The following SHISAL1 variants were observed in gnomAD, a reference collection of about 807,000 sequenced individuals.
The protein encoded by SHISAL1 is protein shisa-like-1.
Under a neutral mutation model 22.6 loss-of-function variants are expected in SHISAL1, and 9 were observed. The observed-to-expected ratio is 0.40, with a 90% confidence interval of 0.24 to 0.70. The LOEUF is 0.70. SHISAL1 is among the 30% of genes least tolerant of loss of function. The pLI is 0.39. For synonymous variants in SHISAL1, 119 were observed against 115.4 expected (o/e 1.03, Z -0.20); for missense variants, 246 against 270.6 (o/e 0.91, Z 0.64).
At chr22:44,287,049 C>T (rs965897541) in intron 3 of SHISAL1, among the ~76,000 whole-genome samples, 1 of 149,104 alleles carries the variant, frequency 6.7e-6, no homozygotes, top group East Asian at 1.9e-4. Flanking sequence ...GGCAGCAGAT[C>T]CTTTAAGACC....
At chr22:44,311,793 C>T (rs1009374061) in intron 1 of SHISAL1, among the ~76,000 whole-genome samples, 1 of 152,222 alleles carries the variant, frequency 6.6e-6, no homozygotes, top group Non-Finnish European at 1.5e-5. Context: ...AGTTTCCTCC[C>T]CTATTAAAGG....
At chr22:44,286,515 G>A (rs1050486543) in intron 3 of SHISAL1, among the ~76,000 whole-genome samples, 1 of 152,138 alleles carries the variant, frequency 6.6e-6, no homozygotes, top group Non-Finnish European at 1.5e-5. Flanking sequence ...TCCAGCACCC[G>A]GCCTTTGCAC....
At chr22:44,270,706 CG>C (rs1395165415) in intron 4 of SHISAL1, among the ~76,000 whole-genome samples, 2 of 152,150 alleles carry the variant, frequency 1.3e-5, no homozygotes, top group African/African-American at 4.8e-5. Flanking sequence ...CGGACACAGA[CG>C]GAAAACCCAA....
At chr22:44,259,110 TTAGGTGGAA>T (rs1459336668) in intron 4 of SHISAL1, among the ~76,000 whole-genome samples, 3 of 152,154 alleles carry the variant, frequency 2.0e-5, no homozygotes, top group African/African-American at 7.2e-5. Context: ...TGCTATGTTC[TTAGGTGGAA>T]ATTTGCAACA....
At chr22:44,312,014 C>CG (rs1414449849) in intron 1 of SHISAL1, among the ~76,000 whole-genome samples, 1 of 152,102 alleles carries the variant, frequency 6.6e-6, no homozygotes, top group Non-Finnish European at 1.5e-5. Flanking sequence ...ACAGGCATGG[C>CG]GCTCGCCTCG....
intron 4 of SHISAL1, among the ~76,000 whole-genome samples, chr22:44,250,507 T>C (rs558166233): frequency 1.2e-4 from 18 of 152,286 alleles, no homozygotes; most frequent in African/African-American, 4.3e-4. Flanking sequence ...AGACTCCATC[T>C]GTGGAAAGCA....
chr22:44,288,976 T>C (rs1044010361), intron 3 of SHISAL1, among the ~76,000 whole-genome samples: 1 of 152,212 alleles, frequency 6.6e-6, no homozygotes, highest in Non-Finnish European at 1.5e-5. Flanking sequence ...CACTCAGCCT[T>C]AGGCTGTAAA....
chr22:44,325,794 G>A, the SHISAL1 span, among the ~76,000 whole-genome samples: 12 of 151,984 alleles, frequency 7.9e-5, no homozygotes, highest in African/African-American at 1.2e-4. Flanking sequence ...CCTTCATAAC[G>A]AGAAGCCACA....
At chr22:44,313,159 A>T (rs577147126), upstream of SHISAL1, among the ~76,000 whole-genome samples, 17 of 152,352 alleles carry the variant, frequency 1.1e-4, no homozygotes, top group Non-Finnish European at 2.2e-4. Context: ...CAAACTAGAG[A>T]CACTCCCTGT....
At chr22:44,269,555 C>T (rs1178138349) in intron 4 of SHISAL1, among the ~76,000 whole-genome samples, 4 of 146,860 alleles carry the variant, frequency 2.7e-5, no homozygotes, top group African/African-American at 1.0e-4. Context: ...ACAGATACAA[C>T]ACTACACACA....
chr22:44,255,322 A>C (rs765951138), intron 4 of SHISAL1, among the ~76,000 whole-genome samples: 3 of 152,166 alleles, frequency 2.0e-5, no homozygotes, highest in African/African-American at 4.8e-5. Context: ...CACCAAATGG[A>C]TATTTAATAG....
upstream of SHISAL1, among the ~76,000 whole-genome samples, chr22:44,314,455 C>T (rs2055544543): frequency 6.6e-6 from 1 of 152,156 alleles, no homozygotes; most frequent in Non-Finnish European, 1.5e-5. Flanking sequence ...AGATCTGGAA[C>T]ACCTATGACA....
intron 4 of SHISAL1, among the ~76,000 whole-genome samples, chr22:44,268,690 G>A (rs554244157): frequency 4.6e-5 from 7 of 152,304 alleles, no homozygotes; most frequent in South Asian, 2.1e-4. Context: ...GAGAGGCCTC[G>A]GGAAGGAGCG....
intron 4 of SHISAL1, among the ~76,000 whole-genome samples, chr22:44,276,209 A>G (rs528742195): frequency 7.9e-5 from 12 of 152,148 alleles, no homozygotes; most frequent in African/African-American, 2.7e-4. Context: ...TGATCGGGTG[A>G]CTCTGAACAG....
rs73888948 is a variant in SHISAL1, at chr22:44,260,536, T to G, written c.*-10851A>C. ...GAGGGACAGAAAATCAGAGGAGGCT[T>G]GGAGAGGAGGTCCAGGTGATGGTCG... is the stretch of plus-strand genomic sequence containing the variant. On this transcript the variant is annotated intron_variant, in intron 4 of 4. Transcript: ENST00000381176. Among the ~76,000 whole-genome samples the G allele has an allele frequency of 9.5e-3, 1,451 of 152,252 alleles. 24 individuals are homozygous for G. The highest frequency in any genetic ancestry group is 0.034 in the African/African-American group (1,397 of 41,562).
rs574950019 is a variant in SHISAL1, at chr22:44,257,247, A to T, written c.*-7562T>A. The stretch of plus-strand genomic sequence containing the variant: ...ACATGCTCACAAGGGCAACATAGGT[A>T]CAAGCACATTAATCACAGAAAGGTG... On this transcript the variant is annotated intron_variant, in intron 4 of 4. Coordinates refer to ENST00000381176, the MANE Select transcript of SHISAL1 (RefSeq NM_001099294.2). Among the ~76,000 whole-genome samples, 185 of 152,364 alleles carry T rather than the reference A, an allele frequency of 1.2e-3. 1 individual carries two copies. The highest frequency in any genetic ancestry group is 2.0e-3 in the Non-Finnish European group (138 of 68,036).
In SHISAL1 at chr22:44,286,208, C is replaced by T. The variant is rs529215083; in HGVS notation, c.282-463G>A. ...CACTGCCTCACCCCTGCTGTGAGGACGGAGGTCCTCCCCATCCTGCTGGAC... is the reference window on the plus strand; with the variant it reads ...CACTGCCTCACCCCTGCTGTGAGGATGGAGGTCCTCCCCATCCTGCTGGAC... On this transcript the variant is annotated intron_variant, in intron 3 of 4. Transcript: ENST00000381176. Among the ~76,000 whole-genome samples, 115 of 152,258 alleles carry T rather than the reference C, an allele frequency of 7.6e-4. 1 individual carries two copies. Among genetic ancestry groups the T allele is most frequent in the African/African-American group, 2.4e-3 (100 of 41,564 alleles).
the SHISAL1 span, among the ~76,000 whole-genome samples, chr22:44,325,673 C>T: frequency 1.3e-5 from 2 of 152,176 alleles, no homozygotes; most frequent in African/African-American, 4.8e-5. Flanking sequence ...GCTCAGCTCT[C>T]TCCTTTAGGG....
chr22:44,303,214 G>A (rs2055445154), intron 1 of SHISAL1, among the ~76,000 whole-genome samples: 1 of 152,028 alleles, frequency 6.6e-6, no homozygotes, highest in Non-Finnish European at 1.5e-5. Flanking sequence ...AAGAGGTACT[G>A]TACCCCATCC....
Sources: allele counts gnomAD v4.1 joint callset (sites outside exome capture counted in the v4.1 genomes callset), GRCh38; gene constraint gnomAD v4.1.1; transcripts MANE v1.5; gene names NCBI Gene and HGNC (gene_info 2026-07-23, HGNC 2026-07-21).